FSHR: variants seen among roughly 807,000 people sequenced by gnomAD.
FSHR encodes the protein follicle-stimulating hormone receptor.
In FSHR, 46 loss-of-function variants were observed where a neutral mutation model predicts 52.1. That is an observed-to-expected ratio of 0.88 (90% CI 0.70 to 1.13). The LOEUF (loss-of-function observed/expected upper bound fraction) is 1.13, where lower values mean the gene tolerates loss of function less well. Ranked by LOEUF, FSHR falls within the 50% of genes most tolerant of loss-of-function variation. FSHR has a pLI of 0.00. For missense variants in FSHR, 964 were observed against 834.6 expected, an observed-to-expected ratio of 1.16 and a Z score of -1.91; for synonymous variants, 399 against 309.6, an observed-to-expected ratio of 1.29 and a Z score of -3.03.
At chr2:49,061,498 A>G (rs1669286862) in intron 2 of FSHR, among the ~76,000 whole-genome samples, 1 of 148,588 alleles carries the variant, frequency 6.7e-6, no homozygotes, top group South Asian at 2.1e-4. Flanking sequence ...TCAATTCAGG[A>G]AGAGGATATG....
At chr2:49,090,630 A>G (rs1670567889) in intron 1 of FSHR, among the ~76,000 whole-genome samples, 1 of 152,222 alleles carries the variant, frequency 6.6e-6, no homozygotes, top group Admixed American at 6.5e-5. Context: ...TGATAAATAT[A>G]TAGTAGTGAA....
At chr2:49,083,093 G>C (rs935523930) in intron 1 of FSHR, among the ~76,000 whole-genome samples, 4 of 151,658 alleles carry the variant, frequency 2.6e-5, no homozygotes, top group Non-Finnish European at 5.9e-5. Flanking sequence ...GGCAGCCAGA[G>C]AGAAAGGTCG....
Position 48,962,306 on chromosome 2 carries a change from T to G in FSHR, c.*427A>C. 5.0e-6 allele frequency: 1 copy of G among 201,112 alleles called. No individual in the cohort carries two copies. The allele number at this position is 201,112 out of a possible 1,614,324, so 12.5% of individuals were successfully genotyped here. A position where few individuals can be genotyped will look rare whatever the true frequency, so the allele number is the denominator to read the frequency against. On this transcript the variant is annotated 3_prime_UTR_variant, in exon 10 of 10. Transcript: ENST00000406846. Reference sequence around the variant, plus strand: ...GCTTCTCTGGGAAATTCTCTGGGAGTCGGAATACCTAATCCTGGCTCTGCC... The same window carrying G: ...GCTTCTCTGGGAAATTCTCTGGGAGGCGGAATACCTAATCCTGGCTCTGCC...
At chr2:49,010,737 T>G (rs1412966970) in intron 4 of FSHR, among the ~76,000 whole-genome samples, 2 of 152,192 alleles carry the variant, frequency 1.3e-5, no homozygotes, top group Non-Finnish European at 2.9e-5. Context: ...AGATTCAACT[T>G]CTTCCTGGTT....
intron 3 of FSHR, among the ~76,000 whole-genome samples, chr2:49,019,557 A>T (rs1317554489): frequency 6.6e-6 from 1 of 152,246 alleles, no homozygotes; most frequent in Non-Finnish European, 1.5e-5. Flanking sequence ...ACTCTAGGCC[A>T]GTCAGTATGC....
intron 2 of FSHR, among the ~76,000 whole-genome samples, chr2:49,067,873 T>C (rs1212339626): frequency 6.6e-6 from 1 of 151,958 alleles, no homozygotes; most frequent in Non-Finnish European, 1.5e-5. Context: ...TAAAAATTAA[T>C]CATAAATGGT....
chr2:49,069,476 G>A (rs1348828761), intron 1 of FSHR, among the ~76,000 whole-genome samples: 1 of 151,938 alleles, frequency 6.6e-6, no homozygotes, highest in African/African-American at 2.4e-5. Context: ...TTTCTTCATA[G>A]CAATTCTGAC....
Position 49,154,439 on chromosome 2 carries a change from AT to A in FSHR, c.-23del, listed in dbSNP as rs1558471511. 6.2e-7 allele frequency: 1 copy of A among 1,611,328 alleles called. No individual in the cohort carries two copies. On this transcript the variant is annotated 5_prime_UTR_variant, in exon 1 of 10. An upstream open reading frame in the 5' UTR loses its in-frame stop. Transcript: ENST00000406846. The stretch of plus-strand genomic sequence containing the variant: ...CCATAATTATGCATCCATCCACCTG[AT>A]TTCTTCCTGCATTTGCAGAGAAAAA...
Position 48,983,270 on chromosome 2 carries a change from G to A in FSHR, c.525-104C>T. On this transcript the variant is annotated intron_variant, in intron 6 of 9. Coordinates refer to ENST00000406846, the MANE Select transcript of FSHR (RefSeq NM_000145.4). ...CAAGGGCAGACAGCACAGGTTAGTG[G>A]CATAAAGAAAATGCCACTTTTAAAG... The A allele has an allele frequency of 2.9e-6, 3 of 1,051,192 alleles. No individual in the cohort carries two copies. The Admixed American group carries it at 5.7e-5, about 20-fold the overall frequency. The allele number at this position is 1,051,192 out of a possible 1,614,324, so 65.1% of individuals were successfully genotyped here.
At position 48,963,027 on chromosome 2, in the gene FSHR, C is replaced by T; in HGVS notation, c.1794G>A (p.Lys598=). 1 of 1,614,002 alleles carries T rather than the reference C, an allele frequency of 6.2e-7. No homozygotes were observed. The highest frequency in any genetic ancestry group is 8.5e-7 in the Non-Finnish European group (1 of 1,179,966). ...CTTTGGACACAGTGATGAGGGGCAC[C>T]TTGAGGGAGGCAGAAATGGCAAAGA... The part of the protein sequence containing the change: ...ISFFAISASL[K]VPLITVSKAK... The change falls in exon 10 of 10, where the codon AAG becomes AAA. Residue 598 remains lysine, a synonymous_variant. Coordinates refer to ENST00000406846, the MANE Select transcript of FSHR (RefSeq NM_000145.4).
chr2:48,968,590 A>C (rs1674585305), intron 9 of FSHR, 108 bp downstream of exon 9: 1 of 1,311,272 alleles, frequency 7.6e-7, no homozygotes, highest in Non-Finnish European at 1.1e-6. Context: ...GGCTTGAGAC[A>C]GGGAACTCTC....
chr2:48,997,749 C>T (rs377196789), intron 4 of FSHR, among the ~76,000 whole-genome samples: 17 of 152,264 alleles, frequency 1.1e-4, no homozygotes, highest in African/African-American at 3.8e-4. Flanking sequence ...CCTTGATCCA[C>T]TAGGACCTGG....
At position 48,965,553 on chromosome 2, in the gene FSHR, T is replaced by TCA. The variant is rs1242050505; in HGVS notation, c.855-1588_855-1587insTG. ...GGTCCTTAGTCTAACTCTAGACTCT[T>TCA]AAACCCTGTTACTGAATTAGTTGCA... On this transcript the variant is annotated intron_variant, in intron 9 of 9. Transcript: ENST00000406846. 2.6e-5 allele frequency among the ~76,000 whole-genome samples: 4 copies of TCA among 152,274 alleles called. No individual in the cohort carries two copies. The East Asian group carries it at 7.7e-4, about 29-fold the overall frequency.
At position 49,028,202 on chromosome 2, in the gene FSHR, A is replaced by T. The variant is rs1346451725; in HGVS notation, c.225-8042T>A. On this transcript the variant is annotated intron_variant, in intron 2 of 9. Coordinates refer to ENST00000406846, the MANE Select transcript of FSHR (RefSeq NM_000145.4). The stretch of plus-strand genomic sequence containing the variant: ...GACACTTGTAAGTTTGAGTTGTGTA[A>T]CTCAAGGCTGCAGGAATAATGATGA... Among the ~76,000 whole-genome samples, 3 of 152,284 alleles carry T rather than the reference A, an allele frequency of 2.0e-5. No homozygotes were observed. In the East Asian group the frequency reaches 5.8e-4, roughly 29 times the overall value.
intron 4 of FSHR, among the ~76,000 whole-genome samples, chr2:49,002,089 C>T (rs986310977): frequency 3.9e-5 from 6 of 152,036 alleles, no homozygotes; most frequent in Admixed American, 6.6e-5. Context: ...CATTTCTGAA[C>T]CTCAAGCTTC....
chr2:49,006,595 C>G (rs934182560), intron 4 of FSHR, among the ~76,000 whole-genome samples: 1 of 152,118 alleles, frequency 6.6e-6, no homozygotes, highest in Non-Finnish European at 1.5e-5. Flanking sequence ...ATATTTATCA[C>G]TCAAGTTCCA....
chr2:49,063,711 T>C (rs1669398638), intron 2 of FSHR, among the ~76,000 whole-genome samples: 1 of 152,074 alleles, frequency 6.6e-6, no homozygotes, highest in South Asian at 2.1e-4. Flanking sequence ...GGTTAATAGA[T>C]ATAAAAGTAC....
intron 6 of FSHR, among the ~76,000 whole-genome samples, chr2:48,988,436 A>G (rs948405697): frequency 2.0e-5 from 3 of 152,212 alleles, no homozygotes; most frequent in Non-Finnish European, 4.4e-5. Context: ...GGCATAAAAG[A>G]GTAGAAGGTC....
chr2:49,129,690 G>T (rs1357691743), intron 1 of FSHR, among the ~76,000 whole-genome samples: 1 of 152,126 alleles, frequency 6.6e-6, no homozygotes, highest in Non-Finnish European at 1.5e-5. Flanking sequence ...ACATTATAGA[G>T]CTGTGTTTTC....
Sources: allele counts gnomAD v4.1 joint callset (sites outside exome capture counted in the v4.1 genomes callset), GRCh38; gene constraint gnomAD v4.1.1; transcripts MANE v1.5; gene names NCBI Gene and HGNC (gene_info 2026-07-23, HGNC 2026-07-21).